Variants in AKAP13 observed in about 807,000 individuals in gnomAD.
AKAP13 encodes A-kinase anchor protein 13.
Under a neutral mutation model 264.5 loss-of-function variants are expected in AKAP13, and 80 were observed. The ratio of observed to expected loss-of-function variants is 0.30; its 90% confidence interval spans 0.25 to 0.36. The LOEUF is 0.36. AKAP13 is among the 10% of genes least tolerant of loss of function. The pLI is 1.00. For missense variants in AKAP13, 3,712 were observed against 3,435.2 expected (o/e 1.08, Z -2.01); for synonymous variants, 1,380 against 1,250.2 (o/e 1.10, Z -2.19).
chr15:85,587,309 G>C (rs1025192398), intron 8 of AKAP13, among the ~76,000 whole-genome samples: 2 of 152,220 alleles, frequency 1.3e-5, no homozygotes, highest in Non-Finnish European at 2.9e-5. Context: ...AACACAATAT[G>C]TGATCTTTTG....
chr15:85,423,610 C>T (rs1039104616), intron 1 of AKAP13, among the ~76,000 whole-genome samples: 1 of 152,198 alleles, frequency 6.6e-6, no homozygotes, highest in African/African-American at 2.4e-5. Flanking sequence ...CCCTCCAAGT[C>T]ATCCATCAGG....
intron 18 of AKAP13, among the ~76,000 whole-genome samples, chr15:85,709,260 T>TA (rs1431939323): frequency 6.6e-6 from 1 of 152,202 alleles, no homozygotes; most frequent in Non-Finnish European, 1.5e-5. Context: ...ATCACCTTCT[T>TA]AGAGTCTGTA....
intron 3 of AKAP13, among the ~76,000 whole-genome samples, chr15:85,526,439 G>T (rs1042863363): frequency 1.5e-4 from 20 of 135,694 alleles, no homozygotes; most frequent in African/African-American, 6.6e-4. Context: ...TAAGTGGCTG[G>T]CACGTGTGTG....
intron 9 of AKAP13, among the ~76,000 whole-genome samples, chr15:85,640,249 G>A (rs1036827011): frequency 1.3e-5 from 2 of 152,130 alleles, no homozygotes; most frequent in African/African-American, 2.4e-5. Context: ...CCTGTTCTAC[G>A]ACTGCTAAGT....
chr15:85,550,192 G>C (rs2077905679), intron 5 of AKAP13, among the ~76,000 whole-genome samples: 1 of 152,212 alleles, frequency 6.6e-6, no homozygotes, highest in South Asian at 2.1e-4. Context: ...TGGGATTACA[G>C]ACGTGAGCCA....
intron 1 of AKAP13, among the ~76,000 whole-genome samples, chr15:85,397,682 A>G (rs1274042837): frequency 6.6e-6 from 1 of 152,200 alleles, no homozygotes; most frequent in African/African-American, 2.4e-5. Context: ...AGAAAAGGAA[A>G]TTGAAGCTCA....
chr15:85,483,900 A>G (rs531738297), intron 1 of AKAP13, among the ~76,000 whole-genome samples: 17 of 152,286 alleles, frequency 1.1e-4, no homozygotes, highest in African/African-American at 4.1e-4. Flanking sequence ...AGTATATTTT[A>G]TGTGTGGCGC....
intron 27 of AKAP13, among the ~76,000 whole-genome samples, chr15:85,726,811 G>T (rs2151741266): frequency 1.3e-5 from 2 of 152,334 alleles, no homozygotes; most frequent in South Asian, 4.1e-4. Context: ...ATTCTTTGGG[G>T]AACCTGGAAA....
intron 8 of AKAP13, among the ~76,000 whole-genome samples, chr15:85,602,125 A>C (rs548820215): frequency 6.5e-4 from 99 of 152,136 alleles, no homozygotes; most frequent in Non-Finnish European, 1.1e-3. Context: ...ACTAGATCAG[A>C]ATTGACAAAC....
intron 30 of AKAP13, among the ~76,000 whole-genome samples, chr15:85,733,051 G>T (rs1027297132): frequency 1.3e-5 from 2 of 152,130 alleles, no homozygotes; most frequent in African/African-American, 4.8e-5. Context: ...TGTTCTGTAA[G>T]TGAACATACT....
intron 16 of AKAP13, among the ~76,000 whole-genome samples, chr15:85,691,359 T>G (rs1291170526): frequency 2.0e-5 from 3 of 152,182 alleles, no homozygotes; most frequent in Non-Finnish European, 4.4e-5. Context: ...CATGGTTATA[T>G]CCCCATGGTC....
intron 36 of AKAP13, 168 bp from the exon 37 acceptor site, chr15:85,744,460 G>T: frequency 1.4e-6 from 1 of 705,186 alleles, no homozygotes; most frequent in Non-Finnish European, 2.5e-6. Context: ...TATCACTTAA[G>T]AACCTTATTA....
Position 85,580,603 on chromosome 15 carries a change from A to G in AKAP13, c.2535A>G (p.Val845=). 1 of 1,614,126 alleles carries G rather than the reference A, an allele frequency of 6.2e-7. No individual in the cohort carries two copies. Among genetic ancestry groups the G allele is most frequent in the Non-Finnish European group, 8.5e-7 (1 of 1,179,932 alleles). ...CGCGGCCACTAGAAGACAGGGCAGT[A>G]GGCCTGTCCACATCCTCCACTGCTG... The part of the protein sequence containing the change: ...PDTRPLEDRA[V]GLSTSSTAAE... Residue 845 remains valine (V), a synonymous_variant, in exon 7 of 37, where the codon GTA becomes GTG. Transcript: ENST00000394518.
chr15:85,656,925 G>A (rs80340275), intron 11 of AKAP13, among the ~76,000 whole-genome samples: 13 of 152,242 alleles, frequency 8.5e-5, no homozygotes, highest in East Asian at 3.9e-4. Flanking sequence ...AACAATTGAT[G>A]TAATCTCATG....
chr15:85,693,822 C>G (rs2085423553), intron 17 of AKAP13, among the ~76,000 whole-genome samples: 1 of 152,176 alleles, frequency 6.6e-6, no homozygotes, highest in Admixed American at 6.5e-5. Context: ...AACACTTTAT[C>G]ATAAAACTGG....
At chr15:85,538,359 G>A (rs925827306) in intron 4 of AKAP13, among the ~76,000 whole-genome samples, 4 of 152,140 alleles carry the variant, frequency 2.6e-5, no homozygotes. Context: ...ACAGGTTTAG[G>A]AAAAACTGCA....
intron 14 of AKAP13, among the ~76,000 whole-genome samples, chr15:85,677,599 C>T (rs567622746): frequency 1.3e-5 from 2 of 150,872 alleles, no homozygotes; most frequent in East Asian, 3.9e-4. Context: ...GATTAGACCC[C>T]ATGAATTAGA....
chr15:85,473,242 G>A (rs539377691), intron 1 of AKAP13, among the ~76,000 whole-genome samples: 1 of 152,266 alleles, frequency 6.6e-6, no homozygotes, highest in African/African-American at 2.4e-5. Context: ...TTGTTAACTG[G>A]GCGCGGGTGT....
intron 1 of AKAP13, among the ~76,000 whole-genome samples, chr15:85,436,900 T>G (rs996068938): frequency 2.2e-4 from 33 of 151,844 alleles, no homozygotes; most frequent in Non-Finnish European, 3.5e-4. Context: ...ACATCACAAT[T>G]AAAAGAACTA....
Sources: gnomAD v4.1 joint callset for allele counts (sites outside exome capture counted in the v4.1 genomes callset) on GRCh38, gnomAD v4.1.1 for gene constraint, MANE v1.5 for transcripts, NCBI Gene and HGNC (gene_info 2026-07-23, HGNC 2026-07-21) for gene names.